Variants in SHB observed in about 807,000 individuals in gnomAD.
SHB encodes the protein SH2 domain containing adaptor protein B.
SHB carries 20 observed loss-of-function variants against 52.3 expected under a neutral mutation model. The ratio of observed to expected loss-of-function variants is 0.38; its 90% CI spans 0.27 to 0.56. SHB has a LOEUF of 0.56. Among genes scored for constraint, SHB ranks in the 20% least tolerant of loss-of-function variants. The pLI, the probability that SHB is intolerant of heterozygous loss-of-function variation, is 0.71. For synonymous variants in SHB, 397 were observed against 316.5 expected (o/e 1.25, Z -2.70); for missense variants, 825 against 723.3 (o/e 1.14, Z -1.61).
intron 4 of SHB, among the ~76,000 whole-genome samples, chr9:37,951,107 C>T (rs1832561711): frequency 6.6e-6 from 1 of 152,058 alleles, no homozygotes; most frequent in Non-Finnish European, 1.5e-5. Context: ...AAATTAAAAC[C>T]CTAAGAAAAA....
At position 37,974,623 on chromosome 9, in the gene SHB, T is replaced by C; in HGVS notation, c.1053A>G (p.Ala351=). 6.2e-7 allele frequency: 1 copy of C among 1,612,150 alleles called. No individual in the cohort carries two copies. Among genetic ancestry groups the C allele is most frequent in the Admixed American group, 1.7e-5 (1 of 59,710 alleles). Reference sequence around the variant, plus strand: ...CTGAGCAGGGTCAGGGCTCCTTACCTGCCAGGGCTGGGATGGTGACCCGGT... The same window carrying C: ...CTGAGCAGGGTCAGGGCTCCTTACCCGCCAGGGCTGGGATGGTGACCCGGT... ...EWNRVTIPAL[A]AQFNGNEKRQ... The change falls in exon 3 of 6, where the codon GCA becomes GCG. Residue 351 remains alanine (A), a splice_region_variant and synonymous_variant. Transcript: ENST00000377707.
chr9:38,046,572 T>C (rs992411051), intron 1 of SHB, among the ~76,000 whole-genome samples: 1 of 152,214 alleles, frequency 6.6e-6, no homozygotes, highest in Non-Finnish European at 1.5e-5. Context: ...TGGATTTAAT[T>C]TCTAGAAACT....
intron 2 of SHB, among the ~76,000 whole-genome samples, chr9:38,002,350 T>A (rs952066082): frequency 3.3e-5 from 5 of 152,184 alleles, no homozygotes; most frequent in Admixed American, 6.5e-5. Flanking sequence ...CAAAGAAGTT[T>A]TCCTCCTAAA....
At chr9:37,970,606 T>C (rs1157826707) in intron 3 of SHB, among the ~76,000 whole-genome samples, 2 of 152,220 alleles carry the variant, frequency 1.3e-5, no homozygotes, top group African/African-American at 2.4e-5. Context: ...TTCAGCCATC[T>C]TCCCCTCTCC....
chr9:37,963,850 G>T (rs1832720161), intron 3 of SHB, among the ~76,000 whole-genome samples: 1 of 152,190 alleles, frequency 6.6e-6, no homozygotes, highest in African/African-American at 2.4e-5. Context: ...ATGACAATGG[G>T]CCTCTGCTGT....
rs1243930756 is a variant in SHB, at chr9:38,068,237, C to T, written c.409G>A (p.Ala137Thr). ...CCCGAGGAGGCGCAGCAACAGCCCG[C>T]GGCGCCCGACGCGGACGAGGCCGAG... ...AFSASSASGA[A>T]GCCCASSGAG... is the part of the protein sequence containing the mutation. Residue 137 changes from alanine (A) to threonine (T), a missense_variant, in exon 1 of 6, where the codon GCG becomes ACG. By Grantham distance (58) the Ala-to-Thr change is moderately conservative (BLOSUM62 0). Transcript: ENST00000377707. The T allele has an allele frequency of 7.2e-7, 1 of 1,397,944 alleles. No individual in the cohort carries two copies. Among genetic ancestry groups the T allele is most frequent in the Admixed American group, 3.7e-5 (1 of 26,928 alleles). 86.6% of individuals were successfully genotyped at this position (1,397,944 alleles called of 1,614,324 possible).
intron 5 of SHB, among the ~76,000 whole-genome samples, chr9:37,946,040 CTAGA>C (rs1420162775): frequency 6.6e-6 from 1 of 152,164 alleles, no homozygotes; most frequent in African/African-American, 2.4e-5. Context: ...GGGAATCACA[CTAGA>C]TAACACTGAC....
chr9:37,918,427 G>GTCCCTGGGAGGTCAGGA lies in SHB; in HGVS notation c.*1393_*1394insTCCTGACCTCCCAGGGA, dbSNP rs1832130620. On this transcript the variant is annotated 3_prime_UTR_variant, in exon 6 of 6. Coordinates refer to ENST00000377707, the MANE Select transcript of SHB (RefSeq NM_003028.3). ...CAGTGTGGACCACTGAGGGCTGTGT[G>GTCCCTGGGAGGTCAGGA]TGTGTGTGTGTGTGTGTGTAGGTGT... Among the ~76,000 whole-genome samples, 1 of 114,060 alleles carries GTCCCTGGGAGGTCAGGA rather than the reference G, an allele frequency of 8.8e-6. No individual in the cohort carries two copies. Among genetic ancestry groups the GTCCCTGGGAGGTCAGGA allele is most frequent in the Non-Finnish European group, 2.0e-5 (1 of 51,166 alleles). 74.8% of individuals were successfully genotyped at this position (114,060 alleles called of 152,430 possible).
intron 1 of SHB, among the ~76,000 whole-genome samples, chr9:38,045,158 T>C (rs577689369): frequency 6.6e-6 from 1 of 152,164 alleles, no homozygotes; most frequent in Non-Finnish European, 1.5e-5. Context: ...GCTATGAGTC[T>C]GGACATGATA....
chr9:38,058,355 TG>T (rs1365165792), intron 1 of SHB, among the ~76,000 whole-genome samples: 1 of 152,222 alleles, frequency 6.6e-6, no homozygotes, highest in Non-Finnish European at 1.5e-5. Context: ...CCTCAGCTGC[TG>T]AATCTACTGC....
At chr9:38,017,724 G>A (rs1384292717) in intron 1 of SHB, among the ~76,000 whole-genome samples, 1 of 152,228 alleles carries the variant, frequency 6.6e-6, no homozygotes, top group African/African-American at 2.4e-5. Context: ...AGTCCCAGTG[G>A]GGACCCAGTA....
At chr9:38,055,260 A>G (rs1367268687) in intron 1 of SHB, among the ~76,000 whole-genome samples, 1 of 152,190 alleles carries the variant, frequency 6.6e-6, no homozygotes, top group Non-Finnish European at 1.5e-5. Context: ...ACACTCCACG[A>G]CTTAATCTTT....
chr9:37,940,708 T>C (rs1832425201), intron 5 of SHB, among the ~76,000 whole-genome samples: 1 of 152,160 alleles, frequency 6.6e-6, no homozygotes, highest in African/African-American at 2.4e-5. Flanking sequence ...CCTCAGTATC[T>C]CCACTTGTTC....
intron 1 of SHB, among the ~76,000 whole-genome samples, chr9:38,044,241 G>A (rs1201832901): frequency 3.9e-5 from 6 of 152,224 alleles, no homozygotes; most frequent in African/African-American, 7.2e-5. Context: ...TTGTGCAGAC[G>A]TCCCTCCCTG....
chr9:38,061,184 T>C (rs1008129820), intron 1 of SHB, among the ~76,000 whole-genome samples: 3 of 151,874 alleles, frequency 2.0e-5, no homozygotes, highest in African/African-American at 7.3e-5. Flanking sequence ...TGCTGGCGTG[T>C]GACTATAGTC....
In SHB at chr9:38,068,307, G is replaced by T; in HGVS notation, c.339C>A (p.Asp113Glu). The T allele has an allele frequency of 6.6e-7, 1 of 1,513,852 alleles. No homozygotes were observed. The highest frequency in any genetic ancestry group is 2.8e-5 in the East Asian group (1 of 35,100). The allele number at this position is 1,513,852 out of a possible 1,614,324, so 93.8% of individuals were successfully genotyped here. ...LRKLRAMCRL[D>E]YCGGSGEPGG... ...CTGGCTCCCCGCTGCCGCCGCAGTA[G>T]TCCAGGCGGCACATGGCGCGCAGTT... The change falls in exon 1 of 6, where the codon GAC (aspartate) becomes GAA (glutamate). Residue 113 changes from aspartate to glutamate, a missense_variant. By Grantham distance (45) the Asp-to-Glu change is conservative. Coordinates refer to ENST00000377707, the MANE Select transcript of SHB (RefSeq NM_003028.3).
At chr9:37,977,211 A>G (rs952146186) in intron 2 of SHB, among the ~76,000 whole-genome samples, 2 of 152,244 alleles carry the variant, frequency 1.3e-5, no homozygotes, top group African/African-American at 2.4e-5. Context: ...TGCCAAAAAT[A>G]GATACTAAGC....
Position 38,039,001 on chromosome 9 carries a change from A to G in SHB, c.718-22870T>C, listed in dbSNP as rs188323499. Among the ~76,000 whole-genome samples, 36 of 152,288 alleles carry G rather than the reference A, an allele frequency of 2.4e-4. No individual in the cohort carries two copies. The East Asian group carries it at 6.2e-3, about 26-fold the overall frequency. On this transcript the variant is annotated intron_variant, in intron 1 of 5. Transcript: ENST00000377707. ...AGACAGACTGTCAGCCGTGAAGAAA[A>G]ACATGTTTCTGAACTCCTGACGCTT...
At chr9:37,924,077 T>C (rs1448715820) in intron 5 of SHB, among the ~76,000 whole-genome samples, 4 of 152,236 alleles carry the variant, frequency 2.6e-5, no homozygotes, top group African/African-American at 4.8e-5. Context: ...TCTCCTTTGA[T>C]AGGACATCTT....
Sources: gnomAD v4.1 joint callset for allele counts (sites outside exome capture counted in the v4.1 genomes callset) on GRCh38, gnomAD v4.1.1 for gene constraint, MANE v1.5 for transcripts, NCBI Gene and HGNC (gene_info 2026-07-23, HGNC 2026-07-21) for gene names.